DUOX2: variants seen among roughly 807,000 people sequenced by gnomAD.
The protein encoded by DUOX2 is NADH/NADPH thyroid oxidase p138-tox.
Under a neutral mutation model 183.3 loss-of-function variants are expected in DUOX2, and 185 were observed. That is an observed-to-expected ratio of 1.01 (90% CI 0.90 to 1.14). The LOEUF is 1.14. Among genes scored for constraint, DUOX2 ranks in the 50% most tolerant of loss-of-function variants. The pLI is 0.00. For synonymous variants in DUOX2, 788 were observed against 812.4 expected (o/e 0.97, Z 0.51); for missense variants, 1,999 against 2,022.9 (o/e 0.99, Z 0.23).
rs1408745931 is a variant in DUOX2, at chr15:45,099,490, A to G, written c.3416-8T>C. The G allele has an allele frequency of 6.2e-7, 1 of 1,613,568 alleles. No homozygotes were observed. The highest frequency in any genetic ancestry group is 1.1e-5 in the South Asian group (1 of 91,016). On this transcript the variant is annotated splice_polypyrimidine_tract_variant and splice_region_variant and intron_variant, in intron 25 of 33. Coordinates refer to ENST00000389039, the MANE Select transcript of DUOX2 (RefSeq NM_001363711.2). ...GGCCAGCACTGTGCAAAACTGGAAG[A>G]GACAGACCCTGTTAGAGATGCCAAC...
At position 45,112,584 on chromosome 15, in the gene DUOX2, G is replaced by A. The variant is rs760259623; in HGVS notation, c.295C>T (p.His99Tyr). 9.3e-6 allele frequency: 15 copies of A among 1,612,998 alleles called. No individual in the cohort carries two copies. The highest frequency in any genetic ancestry group is 1.7e-5 in the Admixed American group (1 of 59,992). The change falls in exon 4 of 34, where the codon CAC becomes TAC. Residue 99 changes from histidine to tyrosine, a missense_variant. Physicochemically the swap from His to Tyr is moderately conservative, Grantham distance 83 (BLOSUM62 2). Around this residue, in one of 3 missense-constraint regions of DUOX2, gnomAD observed 356 missense variants for 356.4 expected, o/e 1.00. Transcript: ENST00000389039. ...AAGACCCCCAGTACGGTGCGGTTGT[G>A]GAGCGACGGCAGGCCGGCTATGCCC... Reference protein sequence around the residue: ...TRGIAGLPSLHNRTVLGVFFG... With the variant: ...TRGIAGLPSLYNRTVLGVFFG...
intron 24 of DUOX2, 70 bp downstream of exon 24, chr15:45,099,980 A>G: frequency 6.2e-7 from 1 of 1,612,744 alleles, no homozygotes; most frequent in Non-Finnish European, 8.5e-7. Flanking sequence ...TTAGGATCAG[A>G]GGGCTTTCCA....
chr15:45,099,597 C>T, intron 25 of DUOX2, 65 bp downstream of exon 25: 1 of 1,597,380 alleles, frequency 6.3e-7, no homozygotes, highest in Non-Finnish European at 8.6e-7. Flanking sequence ...TCCATCTCCC[C>T]ACTGTTTCCC....
At chr15:45,109,058 C>A (rs1022633999) in intron 11 of DUOX2, 106 bp from the exon 12 acceptor site, 16 of 1,407,870 alleles carry the variant, frequency 1.1e-5, no homozygotes, top group Non-Finnish European at 1.4e-5. Context: ...CTCCTGGCTA[C>A]CCCCAGTGAT....
rs763319060 is a variant in DUOX2 at position 45,106,144 on chromosome 15, A to T, written c.2129T>A (p.Ile710Asn). The change falls in exon 17 of 34, where the codon ATC becomes AAC. Residue 710 changes from isoleucine to asparagine, a missense_variant. Transcript: ENST00000389039. ...NRGCRTLLLK[I>N]PKEYDLVLLF... Reference sequence around the variant, plus strand: ...CCATACCAGGTCATACTCCTTAGGGATCTTGAGCAGCAGGGTGCGGCATCC... The same window carrying T: ...CCATACCAGGTCATACTCCTTAGGGTTCTTGAGCAGCAGGGTGCGGCATCC... 1 of 1,614,088 alleles carries T rather than the reference A, an allele frequency of 6.2e-7. No individual in the cohort carries two copies.
At chr15:45,110,855 G>C in intron 7 of DUOX2, 145 bp from the exon 8 acceptor site, 1 of 1,213,438 alleles carries the variant, frequency 8.2e-7, no homozygotes, top group East Asian at 2.5e-5. Flanking sequence ...AGCAGTGTGA[G>C]GCCTGTCCCC....
chr15:45,094,927 C>T lies in DUOX2; in HGVS notation c.4395+9G>A. 1 of 1,613,902 alleles carries T rather than the reference C, an allele frequency of 6.2e-7. No homozygotes were observed. The highest frequency in any genetic ancestry group is 8.5e-7 in the Non-Finnish European group (1 of 1,179,776). On this transcript the variant is annotated intron_variant, in intron 32 of 33. Coordinates refer to ENST00000389039, the MANE Select transcript of DUOX2 (RefSeq NM_001363711.2). ...GCCAAGTTGCCCTGCCTGGCGGGCC[C>T]TGACATACTAGCATGGTGGTCCTGA...
chr15:45,109,208 T>A (rs1460886045), intron 11 of DUOX2: 9 of 606,780 alleles, frequency 1.5e-5, no homozygotes, highest in Non-Finnish European at 2.6e-5. Context: ...AAATTCCCTG[T>A]CCTATGCCTC....
At chr15:45,107,991 G>A in intron 13 of DUOX2, 56 bp downstream of exon 13, 2 of 1,608,018 alleles carry the variant, frequency 1.2e-6, no homozygotes, top group African/African-American at 2.7e-5. Flanking sequence ...GCTAGACAGA[G>A]GGTCTGGGGC....
Position 45,104,070 on chromosome 15 carries a change from G to T in DUOX2, c.2561-17C>A. On this transcript the variant is annotated splice_polypyrimidine_tract_variant and intron_variant, in intron 19 of 33. Transcript: ENST00000389039. Reference sequence around the variant, plus strand: ...CTGGGGAGCCTGGGAAGAAAAAAGGGAATGCAGGTCATCTCCTTGCTGAAA... The same window carrying T: ...CTGGGGAGCCTGGGAAGAAAAAAGGTAATGCAGGTCATCTCCTTGCTGAAA... 1 of 1,614,142 alleles carries T rather than the reference G, an allele frequency of 6.2e-7. No individual in the cohort carries two copies. Among genetic ancestry groups the T allele is most frequent in the Non-Finnish European group, 8.5e-7 (1 of 1,180,000 alleles).
At chr15:45,112,893 G>C in intron 3 of DUOX2, 94 bp downstream of exon 3, 1 of 1,553,418 alleles carries the variant, frequency 6.4e-7, no homozygotes, top group Non-Finnish European at 8.9e-7. Context: ...GAGCTGCTGG[G>C]CGCGTGTTCC....
Position 45,094,709 on chromosome 15 carries a change from G to T in DUOX2, c.4396-18C>A. On this transcript the variant is annotated intron_variant, in intron 32 of 33. Transcript: ENST00000389039. Reference sequence around the variant, plus strand: ...CAGATGTACTGGGGGCACAGGGGCAGGTCAGACCAAAGACAGTCAGGGCCA... The same window carrying T: ...CAGATGTACTGGGGGCACAGGGGCATGTCAGACCAAAGACAGTCAGGGCCA... 1.2e-6 allele frequency: 2 copies of T among 1,613,724 alleles called. No individual in the cohort carries two copies. Among genetic ancestry groups the T allele is most frequent in the South Asian group, 2.2e-5 (2 of 90,994 alleles).
chr15:45,097,672 C>T lies in DUOX2; in HGVS notation c.3635G>A (p.Arg1212His), dbSNP rs770966897. Reference protein sequence around the residue: ...MYVFASHHFRRRSFRGFWLTH... With the variant: ...MYVFASHHFRHRSFRGFWLTH... ...CAGCCAGAAGCCCCGGAAGCTGCGG[C>T]GGCGGAAGTGGTGGGAGGCGAAGAC... The change falls in exon 28 of 34, where the codon CGC becomes CAC. Residue 1212 changes from arginine to histidine, a missense_variant. By Grantham distance (29) the Arg-to-His change is conservative. Coordinates refer to ENST00000389039, the MANE Select transcript of DUOX2 (RefSeq NM_001363711.2). The T allele has an allele frequency of 2.2e-5, 35 of 1,614,200 alleles. No homozygotes were observed. In the East Asian group the frequency reaches 2.9e-4, roughly 13 times the overall value.
At chr15:45,105,538 G>A (rs1894187502) in intron 18 of DUOX2, 105 bp downstream of exon 18, 5 of 1,388,030 alleles carry the variant, frequency 3.6e-6, no homozygotes, top group Non-Finnish European at 4.1e-6. Context: ...TTCTCTCCAG[G>A]CCATAGAGCG....
chr15:45,100,393 C>CT, intron 23 of DUOX2, 165 bp from the exon 24 acceptor site: 1 of 658,036 alleles, frequency 1.5e-6, no homozygotes, highest in Non-Finnish European at 2.6e-6. Flanking sequence ...CAACCCTTTA[C>CT]TTCTGTCTTT....
At chr15:45,102,045 A>C (rs1269824346) in intron 20 of DUOX2, 56 bp from the exon 21 acceptor site, 1 of 1,602,154 alleles carries the variant, frequency 6.2e-7, no homozygotes, top group Admixed American at 1.7e-5. Context: ...AGGCTTGGGT[A>C]GGTGCAGGGT....
Position 45,099,725 on chromosome 15 carries a change from C to T in DUOX2, c.3352G>A (p.Val1118Met), listed in dbSNP as rs1160396004. 3 of 1,614,184 alleles carry T rather than the reference C, an allele frequency of 1.9e-6. No individual in the cohort carries two copies. Among genetic ancestry groups the T allele is most frequent in the South Asian group, 2.2e-5 (2 of 91,084 alleles). Residue 1118 changes from valine to methionine, a missense_variant, in exon 25 of 34, where the codon GTG (valine) becomes ATG (methionine). Physicochemically the swap from Val to Met is conservative, Grantham distance 21. Transcript: ENST00000389039. ...FLRETFLNRYVPFDAAVDFHR... is the reference protein window; with the variant it reads ...FLRETFLNRYMPFDAAVDFHR... Reference sequence around the variant, plus strand: ...AAGTCCACTGCGGCATCAAAAGGCACATAGCGGTTGAGGAAAGTCTCTCGC... The same window carrying T: ...AAGTCCACTGCGGCATCAAAAGGCATATAGCGGTTGAGGAAAGTCTCTCGC...
Position 45,093,981 on chromosome 15 carries a change from T to G in DUOX2, c.*169A>C. ...GAACATAGTCTCCTGCCTTTTCTCA[T>G]TTGTATAATTGTCTGGGTCAATATT... On this transcript the variant is annotated 3_prime_UTR_variant, in exon 34 of 34. Coordinates refer to ENST00000389039, the MANE Select transcript of DUOX2 (RefSeq NM_001363711.2). The G allele has an allele frequency of 9.7e-6, 8 of 826,146 alleles. No individual in the cohort carries two copies. The highest frequency in any genetic ancestry group is 1.6e-5 in the Non-Finnish European group (8 of 511,044). 51.2% of individuals were successfully genotyped at this position (826,146 alleles called of 1,614,324 possible).
chr15:45,094,601 C>T lies in DUOX2; in HGVS notation c.4486G>A (p.Glu1496Lys), dbSNP rs756267461. Reference protein sequence around the residue: ...SITHFGRPPFEPFFNSLQEVH... With the variant: ...SITHFGRPPFKPFFNSLQEVH... ...TCCTGCAGGGAGTTGAAGAAGGGCT[C>T]GAAGGGGGGACGGCCAAAGTGGGTG... Residue 1496 changes from glutamate to lysine, a missense_variant, in exon 33 of 34, where the codon GAG becomes AAG. Coordinates refer to ENST00000389039, the MANE Select transcript of DUOX2 (RefSeq NM_001363711.2). The T allele has an allele frequency of 2.5e-6, 4 of 1,613,922 alleles. No individual in the cohort carries two copies. Among genetic ancestry groups the T allele is most frequent in the East Asian group, 2.2e-5 (1 of 44,874 alleles).
Sources: gnomAD v4.1 joint callset for allele counts on GRCh38, gnomAD v4.1.1 for gene constraint, gnomAD v4.1.1 regional missense constraint, MANE v1.5 for transcripts, NCBI Gene and HGNC (gene_info 2026-07-23, HGNC 2026-07-21) for gene names.